The following SLMAP variants were observed in gnomAD, a reference collection of about 807,000 sequenced individuals.
SLMAP encodes sarcolemma associated protein.
In SLMAP, 44 loss-of-function variants were observed where a neutral mutation model predicts 128.8. That is an observed-to-expected ratio of 0.34 (90% confidence interval 0.27 to 0.44). The LOEUF (loss-of-function observed/expected upper bound fraction) is 0.44, where lower values mean the gene tolerates loss of function less well. Among genes scored for constraint, SLMAP ranks in the 20% least tolerant of loss-of-function variants. SLMAP has a pLI of 1.00. For missense variants in SLMAP, 787 were observed against 985.3 expected (o/e 0.80, Z 2.69); for synonymous variants, 327 against 348.8 (o/e 0.94, Z 0.70).
rs987847184 is a variant in SLMAP at position 57,793,062 on chromosome 3, C to G, written c.198+35213C>G. 3.0e-4 allele frequency among the ~76,000 whole-genome samples: 45 copies of G among 152,188 alleles called. 1 individual carries two copies. Among genetic ancestry groups the G allele is most frequent in the African/African-American group, 1.1e-3 (44 of 41,500 alleles). ...GCTGAAGTGGGAGGATCACTTGAGT[C>G]CAGGAGGCCGAAGTTGCAGTGAGCC... On this transcript the variant is annotated intron_variant, in intron 2 of 24. Coordinates refer to ENST00000671191, the MANE Select transcript of SLMAP (RefSeq NM_001377540.1).
At chr3:57,778,570 C>CTTT (rs1171049495) in intron 2 of SLMAP, among the ~76,000 whole-genome samples, 22 of 115,124 alleles carry the variant, frequency 1.9e-4, no homozygotes, top group Admixed American at 2.8e-4. Flanking sequence ...TTCTTTCTTT[C>CTTT]TTTTTTTTTT....
chr3:57,808,055 A>G (rs2090235955), intron 2 of SLMAP, among the ~76,000 whole-genome samples: 1 of 151,992 alleles, frequency 6.6e-6, no homozygotes, highest in African/African-American at 2.4e-5. Flanking sequence ...AGATATTTGT[A>G]TAGAGTTGTT....
intron 2 of SLMAP, among the ~76,000 whole-genome samples, chr3:57,816,542 T>C (rs138281266): frequency 4.3e-4 from 65 of 152,320 alleles, no homozygotes; most frequent in Admixed American, 3.8e-3. Flanking sequence ...ACTTAATAGC[T>C]TCCATTTTAT....
intron 17 of SLMAP, among the ~76,000 whole-genome samples, chr3:57,904,934 G>A (rs2096489518): frequency 6.6e-6 from 1 of 152,176 alleles, no homozygotes; most frequent in African/African-American, 2.4e-5. Context: ...GGGCATGGTG[G>A]CACGTGCCTG....
chr3:57,757,984 CTGTT>C (rs2077897590), intron 2 of SLMAP, 135 bp downstream of exon 2: 4 of 706,752 alleles, frequency 5.7e-6, no homozygotes, highest in Non-Finnish European at 9.7e-6. Context: ...CACGAATCAA[CTGTT>C]TGTGTGCCTG....
intron 2 of SLMAP, among the ~76,000 whole-genome samples, chr3:57,760,886 C>T (rs1196300457): frequency 4.6e-5 from 7 of 152,212 alleles, no homozygotes; most frequent in South Asian, 2.1e-4. Flanking sequence ...CGCCACCACG[C>T]GTGGCTAATT....
At chr3:57,913,393 T>C in intron 21 of SLMAP, 118 bp downstream of exon 21, 1 of 541,592 alleles carries the variant, frequency 1.8e-6, no homozygotes, top group Non-Finnish European at 3.3e-6. Context: ...TCAGCCCATC[T>C]CTGTTTGGCT....
chr3:57,916,014 G>A (rs893548460), intron 21 of SLMAP, among the ~76,000 whole-genome samples: 1 of 152,064 alleles, frequency 6.6e-6, no homozygotes, highest in Non-Finnish European at 1.5e-5. Flanking sequence ...AAATGAGCCA[G>A]GCATGGTGGC....
At chr3:57,791,452 G>T (rs1292574323) in intron 2 of SLMAP, among the ~76,000 whole-genome samples, 1 of 152,052 alleles carries the variant, frequency 6.6e-6, no homozygotes, top group African/African-American at 2.4e-5. Context: ...TGTAAAGCAT[G>T]TATGTCAAAA....
chr3:57,770,214 C>T (rs2080556076), intron 2 of SLMAP, among the ~76,000 whole-genome samples: 2 of 152,118 alleles, frequency 1.3e-5, no homozygotes, highest in Non-Finnish European at 2.9e-5. Context: ...AATTACGATA[C>T]AAATAAGTCA....
At chr3:57,758,231 A>G (rs1020908726) in intron 2 of SLMAP, among the ~76,000 whole-genome samples, 14 of 152,244 alleles carry the variant, frequency 9.2e-5, no homozygotes, top group Non-Finnish European at 1.6e-4. Context: ...ATCCGTGGCC[A>G]TTATTATCCC....
rs201629993 is a variant in SLMAP at position 57,871,631 on chromosome 3, A to G, written c.1238-5A>G. ...TATCCTTAAAGGTGTTTCTTTCTTT[A>G]TTAGAGCACTTGCTTTCAAAGAGTG... On this transcript the variant is annotated splice_region_variant and splice_polypyrimidine_tract_variant and intron_variant, in intron 13 of 24. Coordinates refer to ENST00000671191, the MANE Select transcript of SLMAP (RefSeq NM_001377540.1). 304 of 1,611,154 alleles carry G rather than the reference A, an allele frequency of 1.9e-4. No individual in the cohort carries two copies. Among genetic ancestry groups the G allele is most frequent in the Admixed American group, 3.5e-4 (21 of 59,962 alleles).
chr3:57,774,509 AATTATTATTATT>A lies in SLMAP; in HGVS notation c.198+16682_198+16693del, dbSNP rs66990452. Among the ~76,000 whole-genome samples the A allele has an allele frequency of 2.7e-3, 394 of 147,416 alleles. 6 individuals are homozygous for A. The highest frequency in any genetic ancestry group is 9.4e-3 in the African/African-American group (376 of 39,942). ...CAAGAGAAATTAGACTTTAATAGAC[AATTATTATTATT>A]ATTATTATTATTATTATTATTGAGA... On this transcript the variant is annotated intron_variant, in intron 2 of 24. Transcript: ENST00000671191.
At chr3:57,831,771 A>G (rs571284283) in intron 3 of SLMAP, among the ~76,000 whole-genome samples, 1 of 152,254 alleles carries the variant, frequency 6.6e-6, no homozygotes, top group African/African-American at 2.4e-5. Context: ...AGCTGCAATG[A>G]CAGCATACCC....
intron 4 of SLMAP, among the ~76,000 whole-genome samples, chr3:57,844,448 C>G (rs988396670): frequency 6.6e-6 from 1 of 151,952 alleles, no homozygotes; most frequent in African/African-American, 2.4e-5. Context: ...TCCCACCACT[C>G]TAACACTAAG....
At chr3:57,895,790 A>G (rs2096228932) in intron 15 of SLMAP, among the ~76,000 whole-genome samples, 1 of 151,964 alleles carries the variant, frequency 6.6e-6, no homozygotes, top group Admixed American at 6.5e-5. Context: ...AAAAATTTAA[A>G]AAAGATATCT....
At chr3:57,803,103 T>C (rs1352965419) in intron 2 of SLMAP, among the ~76,000 whole-genome samples, 1 of 152,140 alleles carries the variant, frequency 6.6e-6, no homozygotes, top group Non-Finnish European at 1.5e-5. Context: ...TACTACAGTC[T>C]AAAACCAAGC....
chr3:57,906,671 A>AT (rs2096574190), intron 17 of SLMAP, among the ~76,000 whole-genome samples: 3 of 27,822 alleles, frequency 1.1e-4, no homozygotes, highest in Admixed American at 5.2e-4. Flanking sequence ...AATATGAAAA[A>AT]AAAATATATA....
intron 4 of SLMAP, among the ~76,000 whole-genome samples, chr3:57,844,427 A>T (rs1360339145): frequency 6.6e-6 from 1 of 151,880 alleles, no homozygotes; most frequent in East Asian, 1.9e-4. Context: ...AAAAAAAAAA[A>T]TTGCATATAA....
Sources: allele counts gnomAD v4.1 joint callset (sites outside exome capture counted in the v4.1 genomes callset), GRCh38; gene constraint gnomAD v4.1.1; transcripts MANE v1.5; gene names NCBI Gene and HGNC (gene_info 2026-07-23, HGNC 2026-07-21).